The following PTPRT variants were observed in gnomAD, a reference collection of about 807,000 sequenced individuals.
PTPRT encodes protein tyrosine phosphatase receptor type T, also known as receptor-type tyrosine-protein phosphatase T.
A neutral mutation model predicts 176.8 loss-of-function variants in PTPRT; 56 were observed. The observed-to-expected ratio is 0.32, with a 90% confidence interval of 0.26 to 0.40. The LOEUF (loss-of-function observed/expected upper bound fraction) is 0.40, where lower values mean the gene tolerates loss of function less well. Among genes scored for constraint, PTPRT ranks in the 10% least tolerant of loss-of-function variants. The pLI is 1.00. For synonymous variants in PTPRT, 783 were observed against 739.0 expected, an observed-to-expected ratio of 1.06 and a Z score of -0.96; for missense variants, 1,540 against 1,908.2, an observed-to-expected ratio of 0.81 and a Z score of 3.60.
At chr20:42,914,884 A>G (rs1347221992) in intron 1 of PTPRT, among the ~76,000 whole-genome samples, 2 of 152,128 alleles carry the variant, frequency 1.3e-5, no homozygotes, top group East Asian at 3.9e-4. Context: ...AGTTAAAAAA[A>G]AAAAAAATAC....
chr20:42,108,928 A>G (rs1419457905), intron 23 of PTPRT, among the ~76,000 whole-genome samples: 1 of 152,240 alleles, frequency 6.6e-6, no homozygotes, highest in Non-Finnish European at 1.5e-5. Context: ...ATGATAAACA[A>G]ACATTTGCCA....
rs74389826 is a variant in PTPRT, at chr20:42,556,003, C to T, written c.1154-83441G>A. On this transcript the variant is annotated intron_variant, in intron 7 of 30. Coordinates refer to ENST00000373187, the MANE Select transcript of PTPRT (RefSeq NM_007050.6). ...GCCTTTCTAAGAGGTGACATTTATGCCAAGACTGGAAAGAGATAAGATGAT... is the reference window on the plus strand; with the variant it reads ...GCCTTTCTAAGAGGTGACATTTATGTCAAGACTGGAAAGAGATAAGATGAT... Among the ~76,000 whole-genome samples, 566 of 152,292 alleles carry T rather than the reference C, an allele frequency of 3.7e-3. 7 individuals are homozygous for T. Among genetic ancestry groups the T allele is most frequent in the African/African-American group, 0.013 (541 of 41,560 alleles).
intron 7 of PTPRT, among the ~76,000 whole-genome samples, chr20:42,536,918 T>C (rs1170487882): frequency 6.6e-6 from 1 of 152,158 alleles, no homozygotes; most frequent in Non-Finnish European, 1.5e-5. Flanking sequence ...TCAAGAGCAT[T>C]TTTTTGCAAT....
chr20:42,843,521 T>C (rs1224149734), intron 2 of PTPRT, among the ~76,000 whole-genome samples: 1 of 152,202 alleles, frequency 6.6e-6, no homozygotes, highest in East Asian at 1.9e-4. Context: ...GCATCTCAAA[T>C]TGTCATTTCT....
chr20:42,446,186 G>T (rs1033370562), intron 9 of PTPRT, among the ~76,000 whole-genome samples: 2 of 152,114 alleles, frequency 1.3e-5, no homozygotes, highest in African/African-American at 4.8e-5. Flanking sequence ...CCAAATGCAG[G>T]TATGTACAAG....
Position 42,210,503 on chromosome 20 carries a change from A to G in PTPRT, c.2343-11115T>C, listed in dbSNP as rs538774522. ...ATCATAAGCATTCTTATACACCAAC[A>G]GACAAACAGAGAGCCAAATCATGAG... On this transcript the variant is annotated intron_variant, in intron 15 of 30. Transcript: ENST00000373187. Among the ~76,000 whole-genome samples, 25 of 152,326 alleles carry G rather than the reference A, an allele frequency of 1.6e-4. No homozygotes were observed. In the East Asian group the frequency reaches 4.4e-3, roughly 27 times the overall value.
intron 1 of PTPRT, among the ~76,000 whole-genome samples, chr20:43,070,455 C>A (rs1431250395): frequency 6.6e-6 from 1 of 152,142 alleles, no homozygotes. Flanking sequence ...TACCATTTGA[C>A]CCAGCCATCC....
intron 16 of PTPRT, among the ~76,000 whole-genome samples, chr20:42,170,541 T>C (rs572416362): frequency 6.6e-6 from 1 of 152,246 alleles, no homozygotes; most frequent in South Asian, 2.1e-4. Flanking sequence ...CAAAATGCAA[T>C]ACCAGAATTA....
chr20:42,096,021 C>T lies in PTPRT; in HGVS notation c.3846+2400G>A, dbSNP rs372754461. 2.6e-5 allele frequency among the ~76,000 whole-genome samples: 4 copies of T among 152,298 alleles called. No individual in the cohort carries two copies. The South Asian group carries it at 6.2e-4, about 24-fold the overall frequency. ...TAATTGCCCAGACTCAACTTCCTGC[C>T]ATTATCTGCAACTTTCCTTCTTATT... On this transcript the variant is annotated intron_variant, in intron 27 of 30. Transcript: ENST00000373187.
intron 1 of PTPRT, among the ~76,000 whole-genome samples, chr20:43,032,101 C>T (rs1179184812): frequency 6.6e-6 from 1 of 152,126 alleles, no homozygotes; most frequent in African/African-American, 2.4e-5. Flanking sequence ...ATTATCACTC[C>T]CATTTTACAC....
chr20:42,986,326 G>T (rs958727343), intron 1 of PTPRT, among the ~76,000 whole-genome samples: 2 of 152,196 alleles, frequency 1.3e-5, no homozygotes, highest in Non-Finnish European at 2.9e-5. Flanking sequence ...TCACTGAGGT[G>T]TTCCCAGTGT....
At chr20:42,892,629 G>A (rs973333965) in intron 1 of PTPRT, among the ~76,000 whole-genome samples, 19 of 152,296 alleles carry the variant, frequency 1.2e-4, no homozygotes, top group African/African-American at 4.3e-4. Context: ...TGCCATGGAT[G>A]AGGATACGCA....
intron 7 of PTPRT, among the ~76,000 whole-genome samples, chr20:42,541,592 A>AGTATTTACT (rs1265461266): frequency 7.6e-6 from 1 of 132,110 alleles, no homozygotes; most frequent in African/African-American, 2.8e-5. Flanking sequence ...CTAGTAAATA[A>AGTATTTACT]AGCTGAGTAG....
the PTPRT span, among the ~76,000 whole-genome samples, chr20:42,035,876 C>T: frequency 3.7e-4 from 57 of 152,280 alleles, no homozygotes; most frequent in East Asian, 5.6e-3. Flanking sequence ...GCACTGAATG[C>T]ACTAGATTGC....
chr20:42,172,107 G>A (rs1990102964), intron 16 of PTPRT, among the ~76,000 whole-genome samples: 1 of 152,014 alleles, frequency 6.6e-6, no homozygotes, highest in Non-Finnish European at 1.5e-5. Flanking sequence ...ATGAACCATT[G>A]CAATAATGCA....
intron 8 of PTPRT, among the ~76,000 whole-genome samples, chr20:42,470,389 A>G (rs1568908184): frequency 6.6e-6 from 1 of 152,126 alleles, no homozygotes; most frequent in Non-Finnish European, 1.5e-5. Context: ...GGACTTGGCC[A>G]AAAGTTGCAC....
At chr20:42,560,963 T>G (rs2072942508) in intron 7 of PTPRT, among the ~76,000 whole-genome samples, 1 of 152,132 alleles carries the variant, frequency 6.6e-6, no homozygotes, top group Non-Finnish European at 1.5e-5. Context: ...TTATAATGAC[T>G]CTTCCTGTCT....
intron 7 of PTPRT, among the ~76,000 whole-genome samples, chr20:42,611,053 A>T (rs868180389): frequency 2.0e-5 from 3 of 152,122 alleles, no homozygotes; most frequent in Non-Finnish European, 4.4e-5. Flanking sequence ...TGCTATATTT[A>T]ATTTATCCGA....
chr20:43,153,171 T>C (rs1191414204), intron 1 of PTPRT, among the ~76,000 whole-genome samples: 1 of 152,156 alleles, frequency 6.6e-6, no homozygotes, highest in Non-Finnish European at 1.5e-5. Context: ...ATCCTCTCCA[T>C]GAAGCTAATA....
Sources: allele counts gnomAD v4.1 joint callset (sites outside exome capture counted in the v4.1 genomes callset), GRCh38; gene constraint gnomAD v4.1.1; transcripts MANE v1.5; gene names NCBI Gene and HGNC (gene_info 2026-07-23, HGNC 2026-07-21).